The following ATG7 variants were observed in gnomAD, a reference collection of about 807,000 sequenced individuals.
ATG7 encodes ubiquitin-like modifier-activating enzyme ATG7.
Under a neutral mutation model 82.4 loss-of-function variants are expected in ATG7, and 70 were observed. That is an observed-to-expected ratio of 0.85 (90% CI 0.70 to 1.04). The LOEUF is 1.04. Ranked by LOEUF, ATG7 falls within the 50% of genes least tolerant of loss-of-function variation. ATG7 has a pLI of 0.00. For synonymous variants in ATG7, 287 were observed against 313.0 expected, an observed-to-expected ratio of 0.92 and a Z score of 0.88; for missense variants, 792 against 864.3, an observed-to-expected ratio of 0.92 and a Z score of 1.05.
chr3:11,288,774 C>T (rs1196038351), intron 3 of ATG7: 1 of 152,184 alleles, frequency 6.6e-6, no homozygotes, highest in Admixed American at 6.6e-5. Flanking sequence ...TTCTGAGCTC[C>T]TACTTGTGCT....
In ATG7 at chr3:11,283,793, A is replaced by G. The variant is rs142866602; in HGVS notation, c.-11+1355A>G. The stretch of plus-strand genomic sequence containing the variant: ...CTAAAAATACAAATATTAGCTGGGC[A>G]TGGTGGCGCATGCCTGTAATCCCAG... On this transcript the variant is annotated intron_variant, in intron 3 of 20. Coordinates refer to ENST00000693202, the MANE Select transcript of ATG7 (RefSeq NM_001349232.2). Among the ~76,000 whole-genome samples the G allele has an allele frequency of 7.2e-3, 1,092 of 152,206 alleles. 12 individuals carry two copies. Among genetic ancestry groups the G allele is most frequent in the African/African-American group, 0.025 (1,037 of 41,540 alleles).
At chr3:11,374,535 T>C (rs7645555) in intron 18 of ATG7, among the ~76,000 whole-genome samples, 1 of 152,108 alleles carries the variant, frequency 6.6e-6, no homozygotes, top group South Asian at 2.1e-4. Context: ...GTTTCTTATG[T>C]AAGATACCAA....
At chr3:11,531,668 T>C (rs2092696747) in intron 20 of ATG7, among the ~76,000 whole-genome samples, 1 of 152,086 alleles carries the variant, frequency 6.6e-6, no homozygotes, top group African/African-American at 2.4e-5. Context: ...GCCCAAGAGT[T>C]TGAGACCAGC....
At chr3:11,542,938 G>T (rs950768983) in intron 20 of ATG7, among the ~76,000 whole-genome samples, 15 of 152,158 alleles carry the variant, frequency 9.9e-5, no homozygotes, top group Admixed American at 2.0e-4. Context: ...GAGCATCTTT[G>T]TAGGGGGAGT....
chr3:11,411,921 C>G (rs1245492238), intron 19 of ATG7, among the ~76,000 whole-genome samples: 5 of 150,004 alleles, frequency 3.3e-5, no homozygotes, highest in African/African-American at 1.2e-4. Context: ...GTCCAATTTC[C>G]TTCTTTTGCC....
chr3:11,348,351 C>T (rs996429469), intron 14 of ATG7: 7 of 249,144 alleles, frequency 2.8e-5, no homozygotes, highest in Admixed American at 5.2e-5. Flanking sequence ...GATGATGTGT[C>T]CAGAGTTTGT....
rs182011668 is a variant in ATG7 at position 11,455,696 on chromosome 3, C to G, written c.2079+28770C>G. On this transcript the variant is annotated intron_variant, in intron 20 of 20. Transcript: ENST00000693202. ...GCTGTCTTAACCCCTCAGAGTTAGC[C>G]CGAGCTGGCCACAACTACATCTTCA... Among the ~76,000 whole-genome samples the G allele has an allele frequency of 2.0e-5, 3 of 152,242 alleles. No individual in the cohort carries two copies. In the East Asian group the frequency reaches 5.8e-4, roughly 29 times the overall value.
chr3:11,388,436 T>TA, intron 19 of ATG7, among the ~76,000 whole-genome samples: 1 of 151,416 alleles, frequency 6.6e-6, no homozygotes, highest in East Asian at 1.9e-4. Flanking sequence ...TTCCTTCTTT[T>TA]TTTTTTTTTT....
intron 20 of ATG7, among the ~76,000 whole-genome samples, chr3:11,468,184 T>G (rs955230384): frequency 1.3e-5 from 2 of 152,184 alleles, no homozygotes; most frequent in African/African-American, 2.4e-5. Flanking sequence ...CTCAGAAAGG[T>G]CTTGGATTTC....
chr3:11,525,919 C>T (rs2092568080), intron 20 of ATG7, among the ~76,000 whole-genome samples: 2 of 152,014 alleles, frequency 1.3e-5, no homozygotes. Context: ...ACCTTTAATT[C>T]CTCATGTGTA....
chr3:11,274,173 G>A (rs571131689), intron 1 of ATG7, among the ~76,000 whole-genome samples: 26 of 152,174 alleles, frequency 1.7e-4, no homozygotes, highest in Admixed American at 1.2e-3. Context: ...CACAGGTTCC[G>A]TTTTTCGTTC....
At chr3:11,482,322 C>A (rs576899568) in intron 20 of ATG7, among the ~76,000 whole-genome samples, 1 of 152,344 alleles carries the variant, frequency 6.6e-6, no homozygotes, top group South Asian at 2.1e-4. Flanking sequence ...CATGTCCTCA[C>A]CATCTTACTC....
chr3:11,372,315 T>C (rs1370640474), intron 18 of ATG7, among the ~76,000 whole-genome samples: 1 of 151,128 alleles, frequency 6.6e-6, no homozygotes, highest in African/African-American at 2.4e-5. Flanking sequence ...ACAATTTTTT[T>C]TTTCTAGACG....
At chr3:11,389,232 CAAAAAAAA>C (rs752930553) in intron 19 of ATG7, among the ~76,000 whole-genome samples, 1 of 57,264 alleles carries the variant, frequency 1.7e-5, no homozygotes, top group South Asian at 1.0e-3. Context: ...GACCCTGTCT[CAAAAAAAA>C]AAAAAAAAAA....
At chr3:11,299,685 C>T (rs1946480426) in intron 5 of ATG7, among the ~76,000 whole-genome samples, 1 of 152,066 alleles carries the variant, frequency 6.6e-6, no homozygotes, top group Admixed American at 6.5e-5. Flanking sequence ...TAATATCCCT[C>T]TTGATTTTGA....
intron 20 of ATG7, among the ~76,000 whole-genome samples, chr3:11,549,198 T>C (rs1200092610): frequency 6.6e-6 from 1 of 152,230 alleles, no homozygotes; most frequent in East Asian, 1.9e-4. Context: ...CCTTGTAGGA[T>C]TTCATATAAA....
intron 20 of ATG7, among the ~76,000 whole-genome samples, chr3:11,507,314 G>A (rs1227853846): frequency 6.6e-6 from 1 of 151,996 alleles, no homozygotes; most frequent in Admixed American, 6.6e-5. Flanking sequence ...GTTTAAATGT[G>A]TAAAATAAAA....
downstream of ATG7, among the ~76,000 whole-genome samples, chr3:11,559,851 G>C (rs1481441781): frequency 6.6e-6 from 1 of 152,100 alleles, no homozygotes; most frequent in African/African-American, 2.4e-5. Context: ...CTGAGCCGCG[G>C]GTGTGCCTGG....
chr3:11,558,474 G>C, downstream of ATG7: 20 of 1,238,862 alleles, frequency 1.6e-5, no homozygotes, highest in South Asian at 8.7e-5. Context: ...CCACCCCCAT[G>C]ATTTTTTTTT....
Sources: allele counts gnomAD v4.1 joint callset (sites outside exome capture counted in the v4.1 genomes callset), GRCh38; gene constraint gnomAD v4.1.1; transcripts MANE v1.5; gene names NCBI Gene and HGNC (gene_info 2026-07-23, HGNC 2026-07-21).